PARD3: variants seen among roughly 807,000 people sequenced by gnomAD.
PARD3 encodes the protein partitioning defective 3 homolog.
PARD3 carries 75 observed loss-of-function variants against 155.4 expected under a neutral mutation model. That is an observed-to-expected ratio of 0.48 (90% CI 0.40 to 0.58). The LOEUF (loss-of-function observed/expected upper bound fraction) is 0.58, where lower values mean the gene tolerates loss of function less well. Ranked by LOEUF, PARD3 falls within the 20% of genes least tolerant of loss-of-function variation. The pLI is 0.00. For missense variants in PARD3, 1,642 were observed against 1,721.7 expected, an observed-to-expected ratio of 0.95 and a Z score of 0.82; for synonymous variants, 576 against 610.5, an observed-to-expected ratio of 0.94 and a Z score of 0.83.
chr10:34,768,392 G>A (rs112648866), intron 1 of PARD3, among the ~76,000 whole-genome samples: 14 of 140,904 alleles, frequency 9.9e-5, no homozygotes, highest in African/African-American at 4.5e-4. Flanking sequence ...AAGCAAAGGC[G>A]GGACAACTCG....
intron 4 of PARD3, among the ~76,000 whole-genome samples, chr10:34,468,326 T>C (rs910657506): frequency 6.6e-6 from 1 of 152,230 alleles, no homozygotes; most frequent in African/African-American, 2.4e-5. Flanking sequence ...CACGTTCTGT[T>C]TGCTGCAACT....
chr10:34,589,272 A>G (rs1034619180), intron 2 of PARD3, among the ~76,000 whole-genome samples: 2 of 152,232 alleles, frequency 1.3e-5, no homozygotes, highest in African/African-American at 4.8e-5. Context: ...TCACTTAAAA[A>G]AGTGTAGTAC....
At chr10:34,302,670 G>GTAGGATGTATT (rs1359018406) in intron 20 of PARD3, among the ~76,000 whole-genome samples, 4 of 152,172 alleles carry the variant, frequency 2.6e-5, no homozygotes, top group Non-Finnish European at 5.9e-5. Context: ...AGGTTGCAAG[G>GTAGGATGTATT]TAGGATGTAT....
chr10:34,814,893 G>C lies in PARD3; in HGVS notation c.103C>G (p.Arg35Gly). ...SLIQQAVTRY[R>G]KAIAKDPNYW... ...CCCCTCACCTTGGCGATGGCCTTCCGGTAGCGGGTCACCGCCTGCTGGATG... is the reference window on the plus strand; with the variant it reads ...CCCCTCACCTTGGCGATGGCCTTCCCGTAGCGGGTCACCGCCTGCTGGATG... The change falls in exon 1 of 25, where the codon CGG (arginine) becomes GGG (glycine). Residue 35 changes from arginine (R) to glycine (G), a missense_variant. By Grantham distance (125) the Arg-to-Gly change is moderately radical. This residue lies in a region of PARD3 where 75 missense variants were observed against 65.3 expected (regional missense o/e 1.15). Coordinates refer to ENST00000374788, the MANE Select transcript of PARD3 (RefSeq NM_001184785.2). 6.7e-7 allele frequency: 1 copy of C among 1,502,930 alleles called. No individual in the cohort carries two copies. Among genetic ancestry groups the C allele is most frequent in the Non-Finnish European group, 8.9e-7 (1 of 1,120,746 alleles). 93.1% of individuals were successfully genotyped at this position (1,502,930 alleles called of 1,614,324 possible). A position where few individuals can be genotyped will look rare whatever the true frequency, so the allele number is the denominator to read the frequency against.
chr10:34,415,609 G>C (rs1199264387), intron 5 of PARD3, among the ~76,000 whole-genome samples: 1 of 152,110 alleles, frequency 6.6e-6, no homozygotes, highest in East Asian at 1.9e-4. Flanking sequence ...TATCTAAAAA[G>C]GAACCTGAAT....
intron 4 of PARD3, among the ~76,000 whole-genome samples, chr10:34,459,666 A>G (rs991071093): frequency 2.0e-5 from 3 of 152,208 alleles, no homozygotes; most frequent in Non-Finnish European, 2.9e-5. Context: ...CTTATACATT[A>G]TTTAGATGTG....
At chr10:34,145,213 ATATATATATTTT>A (rs1365291565) in intron 22 of PARD3, among the ~76,000 whole-genome samples, 3 of 64,042 alleles carry the variant, frequency 4.7e-5, no homozygotes, top group African/African-American at 1.8e-4. Flanking sequence ...ATATATATAT[ATATATATATTTT>A]TTTTTTTTTT....
chr10:34,656,107 A>T (rs1212963373), intron 2 of PARD3, among the ~76,000 whole-genome samples: 1 of 152,206 alleles, frequency 6.6e-6, no homozygotes, highest in African/African-American at 2.4e-5. Context: ...TGAAGAAAAA[A>T]GTAAAGAGTA....
chr10:34,476,148 T>C (rs1019191904), intron 3 of PARD3, among the ~76,000 whole-genome samples: 1 of 152,088 alleles, frequency 6.6e-6, no homozygotes, highest in Non-Finnish European at 1.5e-5. Flanking sequence ...AAATTAAAAT[T>C]TAAAAAGGAA....
At position 34,573,784 on chromosome 10, in the gene PARD3, CAG is replaced by C. The variant is rs1439840303; in HGVS notation, c.223-56627_223-56626del. ...ACACACACACACACACACACACACA[CAG>C]AGAATCAGCCTCCAAGTACCGAACT... On this transcript the variant is annotated intron_variant, in intron 2 of 24. Transcript: ENST00000374788. Among the ~76,000 whole-genome samples the C allele has an allele frequency of 8.6e-3, 1,144 of 132,302 alleles. 9 individuals carry two copies. Among genetic ancestry groups the C allele is most frequent in the African/African-American group, 0.028 (821 of 29,146 alleles). 86.8% of individuals were successfully genotyped at this position (132,302 alleles called of 152,430 possible).
intron 3 of PARD3, among the ~76,000 whole-genome samples, chr10:34,513,056 T>C (rs2081493659): frequency 6.6e-6 from 1 of 152,208 alleles, no homozygotes; most frequent in Non-Finnish European, 1.5e-5. Context: ...AATATATTTA[T>C]GGTCAGATAT....
At chr10:34,527,890 T>C (rs1220712027) in intron 2 of PARD3, among the ~76,000 whole-genome samples, 1 of 152,230 alleles carries the variant, frequency 6.6e-6, no homozygotes, top group African/African-American at 2.4e-5. Context: ...CAACACCTTC[T>C]ACAAAGGAGA....
At chr10:34,563,994 A>T (rs1420547016) in intron 2 of PARD3, among the ~76,000 whole-genome samples, 1 of 152,226 alleles carries the variant, frequency 6.6e-6, no homozygotes, top group African/African-American at 2.4e-5. Context: ...TTAATGGTAC[A>T]TCTAATATCC....
At chr10:34,435,073 CACTT>C (rs2076121177) in intron 5 of PARD3, among the ~76,000 whole-genome samples, 1 of 152,152 alleles carries the variant, frequency 6.6e-6, no homozygotes, top group South Asian at 2.1e-4. Context: ...TCATTCTAAA[CACTT>C]ACATGCAATT....
chr10:34,630,434 CCTCT>C (rs1266284180), intron 2 of PARD3, among the ~76,000 whole-genome samples: 3 of 151,414 alleles, frequency 2.0e-5, no homozygotes, highest in South Asian at 4.2e-4. Context: ...CCTTATCCTC[CCTCT>C]CTCTCTTTTT....
intron 22 of PARD3, among the ~76,000 whole-genome samples, chr10:34,200,592 G>C (rs1951165270): frequency 6.6e-6 from 1 of 152,174 alleles, no homozygotes; most frequent in Non-Finnish European, 1.5e-5. Context: ...ACATGGCTTA[G>C]TACTTACTGA....
chr10:34,522,355 T>G (rs958878624), intron 2 of PARD3, among the ~76,000 whole-genome samples: 1 of 152,130 alleles, frequency 6.6e-6, no homozygotes, highest in African/African-American at 2.4e-5. Flanking sequence ...GTTAACACAC[T>G]GATTTTATGG....
chr10:34,699,921 A>G (rs2094242628), intron 1 of PARD3, among the ~76,000 whole-genome samples: 1 of 152,356 alleles, frequency 6.6e-6, no homozygotes, highest in South Asian at 2.1e-4. Flanking sequence ...TATACTACCA[A>G]TAAATTCTAA....
chr10:34,193,727 G>A (rs116119681), intron 22 of PARD3, among the ~76,000 whole-genome samples: 90 of 152,272 alleles, frequency 5.9e-4, no homozygotes, highest in African/African-American at 2.1e-3. Flanking sequence ...TCTTCAGCTC[G>A]AATTTATATT....
Sources: allele counts gnomAD v4.1 joint callset (sites outside exome capture counted in the v4.1 genomes callset), GRCh38; gene constraint gnomAD v4.1.1; regional missense constraint gnomAD v4.1.1; transcripts MANE v1.5; gene names NCBI Gene and HGNC (gene_info 2026-07-23, HGNC 2026-07-21).